TFDP2: variants seen among roughly 807,000 people sequenced by gnomAD.
TFDP2 encodes transcription factor Dp-2 (E2F dimerization partner 2).
A neutral mutation model predicts 59.3 loss-of-function variants in TFDP2; 17 were observed. The observed-to-expected ratio is 0.29, with a 90% CI of 0.20 to 0.43. The LOEUF is 0.43. Among genes scored for constraint, TFDP2 ranks in the 20% least tolerant of loss-of-function variants. TFDP2 has a pLI of 1.00. For missense variants in TFDP2, 391 were observed against 528.8 expected (o/e 0.74, Z 2.56); for synonymous variants, 180 against 194.7 (o/e 0.92, Z 0.63).
chr3:142,127,359 T>G (rs2062313354), intron 1 of TFDP2, among the ~76,000 whole-genome samples: 1 of 146,500 alleles, frequency 6.8e-6, no homozygotes. Context: ...CAGCCTGCAG[T>G]GCAGTGGCAA....
intron 1 of TFDP2, among the ~76,000 whole-genome samples, chr3:142,110,449 A>G (rs1403471590): frequency 6.6e-6 from 1 of 152,044 alleles, no homozygotes; most frequent in Non-Finnish European, 1.5e-5. Flanking sequence ...GGTTGCAGTG[A>G]GCCGAGATCA....
rs188100166 is a variant in TFDP2, at chr3:141,992,620, T to C, written c.356+918A>G. ...GAGAGTAAAGAACATTTCATTTCTA[T>C]GATACAGCAGCTCCTCAGAAGTGAT... On this transcript the variant is annotated intron_variant, in intron 6 of 12. Transcript: ENST00000489671. Among the ~76,000 whole-genome samples the C allele has an allele frequency of 7.9e-5, 12 of 152,342 alleles. No individual in the cohort carries two copies. The East Asian group carries it at 2.1e-3, about 27-fold the overall frequency.
At chr3:142,135,035 G>A (rs2062669937) in intron 1 of TFDP2, among the ~76,000 whole-genome samples, 2 of 152,010 alleles carry the variant, frequency 1.3e-5, no homozygotes, top group South Asian at 4.1e-4. Context: ...CGTTTTTCCA[G>A]ACATGGTACT....
intron 4 of TFDP2, among the ~76,000 whole-genome samples, chr3:141,999,383 T>C (rs1360910278): frequency 6.6e-6 from 1 of 152,218 alleles, no homozygotes; most frequent in Non-Finnish European, 1.5e-5. Context: ...AGGCTTCTAG[T>C]CAATAATAAG....
In TFDP2 at chr3:142,149,351, G is replaced by T. The variant is rs967573576; in HGVS notation, c.-261C>A. 2.3e-5 allele frequency: 9 copies of T among 392,526 alleles called. No homozygotes were observed. The highest frequency in any genetic ancestry group is 1.4e-4 in the African/African-American group (7 of 48,422). The allele number at this position is 392,526 out of a possible 1,614,324, so 24.3% of individuals were successfully genotyped here. A position where few individuals can be genotyped will look rare whatever the true frequency, so the allele number is the denominator to read the frequency against. On this transcript the variant is annotated 5_prime_UTR_variant, in exon 1 of 13. Transcript: ENST00000489671. ...CTGCCCGGTCAAGGCCCAGGAGTTT[G>T]AGGCCCCAGAACGCCAACCGTGCGC...
At chr3:142,042,468 T>G (rs1445300086) in intron 3 of TFDP2, among the ~76,000 whole-genome samples, 1 of 151,590 alleles carries the variant, frequency 6.6e-6, no homozygotes, top group Non-Finnish European at 1.5e-5. Flanking sequence ...ATTTTTGTAC[T>G]TTTGTACTTT....
intron 4 of TFDP2, chr3:142,000,445 T>A (rs1046899642): frequency 5.6e-6 from 3 of 533,190 alleles, no homozygotes; most frequent in Admixed American, 6.1e-5. Flanking sequence ...CATGACTTCA[T>A]CACTTCCCAA....
At chr3:142,105,787 TA>T (rs1210164694) in intron 1 of TFDP2, among the ~76,000 whole-genome samples, 1 of 152,204 alleles carries the variant, frequency 6.6e-6, no homozygotes, top group Non-Finnish European at 1.5e-5. Context: ...ACCTAAATAA[TA>T]AATGTTTGAA....
intron 4 of TFDP2, among the ~76,000 whole-genome samples, chr3:142,002,317 G>GTTTTTTTTTTTTTTT (rs750047190): frequency 1.9e-5 from 2 of 106,856 alleles, no homozygotes; most frequent in African/African-American, 7.5e-5. Flanking sequence ...TATTTTTAGT[G>GTTTTTTTTTTTTTTT]TTTTTTTTTT....
chr3:141,956,522 A>G (rs1936682323), intron 11 of TFDP2, among the ~76,000 whole-genome samples: 1 of 152,038 alleles, frequency 6.6e-6, no homozygotes, highest in South Asian at 2.1e-4. Flanking sequence ...ATTGCACTCC[A>G]GCCTGGGTAA....
chr3:141,955,707 C>T (rs1435663074), intron 11 of TFDP2, among the ~76,000 whole-genome samples: 1 of 152,162 alleles, frequency 6.6e-6, no homozygotes, highest in Non-Finnish European at 1.5e-5. Context: ...TATCTTAGAC[C>T]TAGTATTAAA....
At chr3:141,971,207 GC>G (rs1270491335) in intron 8 of TFDP2, among the ~76,000 whole-genome samples, 1 of 151,582 alleles carries the variant, frequency 6.6e-6, no homozygotes, top group Non-Finnish European at 1.5e-5. Context: ...GTCTCCTTGG[GC>G]AAAAGCCAAT....
At chr3:141,998,201 G>C (rs962291918) in intron 4 of TFDP2, among the ~76,000 whole-genome samples, 4 of 152,164 alleles carry the variant, frequency 2.6e-5, no homozygotes, top group South Asian at 2.1e-4. Flanking sequence ...AGAGTGAAAC[G>C]TAAGAAATAA....
intron 3 of TFDP2, among the ~76,000 whole-genome samples, chr3:142,015,321 T>A (rs983014251): frequency 6.6e-6 from 1 of 152,198 alleles, no homozygotes; most frequent in African/African-American, 2.4e-5. Context: ...GATTCACATA[T>A]CCACTATCTT....
chr3:142,137,953 C>A (rs2062796966), intron 1 of TFDP2, among the ~76,000 whole-genome samples: 1 of 152,112 alleles, frequency 6.6e-6, no homozygotes, highest in South Asian at 2.1e-4. Context: ...GGAATGGTAC[C>A]AGCTCCTCTT....
At position 142,149,178 on chromosome 3, in the gene TFDP2, C is replaced by A; in HGVS notation, c.-93+5G>T. The A allele has an allele frequency of 2.5e-6, 1 of 397,892 alleles. No homozygotes were observed. The highest frequency in any genetic ancestry group is 6.3e-4 in the Middle Eastern group (1 of 1,588). 24.6% of individuals were successfully genotyped at this position (397,892 alleles called of 1,614,324 possible). A position where few individuals can be genotyped will look rare whatever the true frequency, so the allele number is the denominator to read the frequency against. On this transcript the variant is annotated splice_donor_5th_base_variant and intron_variant, in intron 1 of 12. Transcript: ENST00000489671. ...GCGGGCCCGCGCCCTCGCCCCAGAC[C>A]TTACCGCCTTCGGCTGCAGAAGAAC...
At chr3:142,019,023 G>A (rs918568474) in intron 3 of TFDP2, among the ~76,000 whole-genome samples, 1 of 143,654 alleles carries the variant, frequency 7.0e-6, no homozygotes, top group Non-Finnish European at 1.5e-5. Context: ...CAATTGAACA[G>A]TGTTTGCTTT....
intron 3 of TFDP2, among the ~76,000 whole-genome samples, chr3:142,057,630 TA>T (rs2108506193): frequency 6.6e-6 from 1 of 152,366 alleles, no homozygotes; most frequent in South Asian, 2.1e-4. Context: ...ATGAATTCCA[TA>T]AATTATTTTA....
chr3:142,131,216 G>C (rs2062492289), intron 1 of TFDP2, among the ~76,000 whole-genome samples: 1 of 150,050 alleles, frequency 6.7e-6, no homozygotes, highest in South Asian at 2.1e-4. Flanking sequence ...AAAGAAGATA[G>C]TGATTAAAGA....
Sources: gnomAD v4.1 joint callset for allele counts (sites outside exome capture counted in the v4.1 genomes callset) on GRCh38, gnomAD v4.1.1 for gene constraint, MANE v1.5 for transcripts, NCBI Gene and HGNC (gene_info 2026-07-23, HGNC 2026-07-21) for gene names.